MICAL1: variants seen among roughly 807,000 people sequenced by gnomAD.
The protein encoded by MICAL1 is microtubule associated monooxygenase, calponin and LIM domain containing 1, also known as [F-actin]-monooxygenase MICAL1.
Under a neutral mutation model 131.8 loss-of-function variants are expected in MICAL1, and 95 were observed. That is an observed-to-expected ratio of 0.72 (90% CI 0.61 to 0.86). The LOEUF (loss-of-function observed/expected upper bound fraction) is 0.86. MICAL1 is among the 40% of genes least tolerant of loss of function. MICAL1 has a pLI of 0.00. For missense variants in MICAL1, 1,292 were observed against 1,380.6 expected (o/e 0.94, Z 1.02); for synonymous variants, 546 against 554.2 (o/e 0.99, Z 0.21).
intron 6 of MICAL1, 96 bp downstream of exon 6, chr6:109,452,150 G>C: frequency 6.6e-7 from 1 of 1,507,574 alleles, no homozygotes; most frequent in African/African-American, 1.4e-5. Context: ...GAAAAGTGTG[G>C]AGTTCCTTGC....
At position 109,445,578 on chromosome 6, in the gene MICAL1, G is replaced by C. The variant is rs367543311; in HGVS notation, c.2674-49C>G. On this transcript the variant is annotated intron_variant, in intron 20 of 24. Transcript: ENST00000358807. ...GGGATAGGGCCTGGGCCCCCTGGTG[G>C]ATAGGAGTGTTGTTTGGAAAGGCAG... The C allele has an allele frequency of 4.4e-6, 7 of 1,600,050 alleles. No homozygotes were observed. The African/African-American group carries it at 9.4e-5, about 21-fold the overall frequency.
intron 21 of MICAL1, 51 bp downstream of exon 21, chr6:109,445,365 C>T (rs1459409257): frequency 1.3e-5 from 21 of 1,612,076 alleles, no homozygotes; most frequent in Non-Finnish European, 1.8e-5. Flanking sequence ...ACTCTGATCT[C>T]AGTCTCAGAA....
chr6:109,456,681 G>A (rs1162774039), upstream of MICAL1, among the ~76,000 whole-genome samples: 3 of 152,204 alleles, frequency 2.0e-5, no homozygotes, highest in East Asian at 5.8e-4. Flanking sequence ...AAGGAACAGC[G>A]CCTAAAGTGA....
At chr6:109,450,259 TCCCCTAA>T in intron 8 of MICAL1, 34 bp downstream of exon 8, 1 of 1,586,984 alleles carries the variant, frequency 6.3e-7, no homozygotes, top group Non-Finnish European at 8.6e-7. Flanking sequence ...GGCAGCTCCC[TCCCCTAA>T]CCATGAAACC....
rs1775140498 is a variant in MICAL1, at chr6:109,444,935, T to A, written c.2942A>T (p.Lys981Ile). 3 of 1,614,194 alleles carry A rather than the reference T, an allele frequency of 1.9e-6. No homozygotes were observed. Among genetic ancestry groups the A allele is most frequent in the Non-Finnish European group, 2.5e-6 (3 of 1,180,040 alleles). The change falls in exon 23 of 25, where the codon AAA becomes ATA. Residue 981 changes from lysine (K) to isoleucine (I), a missense_variant. Transcript: ENST00000358807. ...VGQLLQLVDK[K>I]NSLVAEEAEL... ...GGCCTCCTCAGCCACCAGGCTGTTT[T>A]TCTTGTCAACGAGCTGTAGCAGCTG...
At chr6:109,460,215 G>A (rs1404550507), upstream of MICAL1, among the ~76,000 whole-genome samples, 1 of 152,050 alleles carries the variant, frequency 6.6e-6, no homozygotes, top group Non-Finnish European at 1.5e-5. Context: ...AGCACTCTGG[G>A]AGGCTGAGGT....
chr6:109,455,784 AGGGCGGGGGCGG>A (rs1045026476), upstream of MICAL1: 3,433 of 123,458 alleles, frequency 0.028, 85 homozygotes, highest in African/African-American at 0.12. The surrounding 1 kb of genome is among the most constrained non-coding windows in gnomAD (Gnocchi z 4.7). Flanking sequence ...AGCGGGTGGG[AGGGCGGGGGCGG>A]GGGCGGGGGC....
At position 109,465,662 on chromosome 6, in the gene MICAL1, A is replaced by G; in HGVS notation, c.14+2T>C. The G allele has an allele frequency of 6.4e-7, 1 of 1,574,362 alleles. No homozygotes were observed. The highest frequency in any genetic ancestry group is 8.6e-7 in the Non-Finnish European group (1 of 1,166,260). On this transcript the variant is annotated splice_donor_variant, in intron 1 of 24. Transcript: ENST00000630715. LOFTEE classifies it high-confidence loss of function. Reference sequence around the variant, plus strand: ...ATTGAAATGCTCAATACAAATCAGTACCTTAGACAAGACATACACACATCT... The same window carrying G: ...ATTGAAATGCTCAATACAAATCAGTGCCTTAGACAAGACATACACACATCT...
Position 109,446,213 on chromosome 6 carries a change from C to CGG in MICAL1, c.2502_2503dup (p.Arg835ProfsTer70). ...GTGGCGGGCCAAGGCGGAGCAGCTGCGGGGAGGCTTGGGTGGAGGCTCCAT... is the reference window on the plus strand; with the variant it reads ...GTGGCGGGCCAAGGCGGAGCAGCTGCGGGGGGAGGCTTGGGTGGAGGCTCCAT... On this transcript the variant is annotated frameshift_variant, in exon 19 of 25. Coordinates refer to ENST00000358807, the MANE Select transcript of MICAL1 (RefSeq NM_022765.4). LOFTEE classifies it high-confidence loss of function. 6.2e-7 allele frequency: 1 copy of CGG among 1,601,438 alleles called. No individual in the cohort carries two copies.
intron 4 of MICAL1, among the ~76,000 whole-genome samples, chr6:109,452,915 G>A (rs777623719): frequency 1.3e-5 from 2 of 152,110 alleles, no homozygotes; most frequent in African/African-American, 2.4e-5. Flanking sequence ...CCAGCACTTT[G>A]GGAGACCGAG....
rs759588181 is a variant in MICAL1 at position 109,446,356 on chromosome 6, G to C, written c.2361C>G (p.Ala787=). ...SMPPGLSTPT[A]SQEGAGPVPD... ...GAACAGGACCGGCCCCCTCCTGCGA[G>C]GCTGTGGGAGTTGAGAGGCCTGGTG... Residue 787 remains alanine, a synonymous_variant, in exon 19 of 25, where the codon GCC becomes GCG. Transcript: ENST00000358807. The C allele has an allele frequency of 6.2e-7, 1 of 1,614,170 alleles. No individual in the cohort carries two copies. The highest frequency in any genetic ancestry group is 8.5e-7 in the Non-Finnish European group (1 of 1,180,044).
chr6:109,452,684 C>T (rs1226355995), intron 4 of MICAL1, 69 bp from the exon 5 acceptor site: 13 of 1,173,458 alleles, frequency 1.1e-5, no homozygotes, highest in Non-Finnish European at 1.6e-5. Context: ...TCAGGACAAA[C>T]CAGTGAAATC....
At chr6:109,453,490 A>C in intron 3 of MICAL1, 123 bp from the exon 4 acceptor site, 4 of 1,498,658 alleles carry the variant, frequency 2.7e-6, no homozygotes, top group Non-Finnish European at 3.6e-6. Flanking sequence ...CCAAAAGCCC[A>C]CTTATAGATG....
At position 109,455,657 on chromosome 6, in the gene MICAL1, GCGCACCCCAC is replaced by G; in HGVS notation, c.-44+52_-44+61del. ...CGACCGCAGCTGCGTTTCCCCGGAA[GCGCACCCCAC>G]CTCACCCCACCCGGCCGCGGGGCTC... On this transcript the variant is annotated intron_variant, in intron 1 of 24. Transcript: ENST00000358807. This position sits in a 1 kb window ranked among gnomAD's most constrained non-coding sequence, Gnocchi z 4.7. 1 of 967,098 alleles carries G rather than the reference GCGCACCCCAC, an allele frequency of 1.0e-6. No homozygotes were observed. The highest frequency in any genetic ancestry group is 1.2e-6 in the Non-Finnish European group (1 of 813,150). 59.9% of individuals were successfully genotyped at this position (967,098 alleles called of 1,614,324 possible).
chr6:109,453,380 G>A lies in MICAL1; in HGVS notation c.467-13C>T, dbSNP rs1427986040. On this transcript the variant is annotated splice_polypyrimidine_tract_variant and intron_variant, in intron 3 of 24. Transcript: ENST00000358807. ...AGCTGCCTGATGCCTGGAAGGGAGA[G>A]GACATTAGGAACAGGGACCCTAGGG... 1 of 1,611,890 alleles carries A rather than the reference G, an allele frequency of 6.2e-7. No individual in the cohort carries two copies. Among genetic ancestry groups the A allele is most frequent in the Non-Finnish European group, 8.5e-7 (1 of 1,178,660 alleles).
chr6:109,456,379 G>C (rs1036603785), upstream of MICAL1, among the ~76,000 whole-genome samples: 2 of 152,256 alleles, frequency 1.3e-5, no homozygotes, highest in African/African-American at 2.4e-5. Flanking sequence ...ATGGATCCAA[G>C]CGCAGAGTGC....
At chr6:109,463,155 T>G (rs993361486) in intron 1 of MICAL1, 1 of 152,104 alleles carries the variant, frequency 6.6e-6, no homozygotes, top group Non-Finnish European at 1.5e-5. Flanking sequence ...CCCAGCTAAT[T>G]TTTGTATTTT....
In MICAL1 at chr6:109,450,029, T is replaced by G. The variant is rs1775468842; in HGVS notation, c.1248A>C (p.Ala416=). 6.2e-7 allele frequency: 1 copy of G among 1,614,014 alleles called. No homozygotes were observed. Among genetic ancestry groups the G allele is most frequent in the South Asian group, 1.1e-5 (1 of 91,092 alleles). Residue 416 remains alanine (A), a synonymous_variant, in exon 9 of 25, where the codon GCA becomes GCC. Coordinates refer to ENST00000358807, the MANE Select transcript of MICAL1 (RefSeq NM_022765.4). ...CTGCCCACCGCTTCACCATCCAGGC[T>G]GCATCAAAGGCTGCCAGGAAGCCCC... ...VARGFLAAFD[A]AWMVKRWAEG... is the part of the protein sequence containing the mutation.
chr6:109,449,724 G>A lies in MICAL1; in HGVS notation c.1367C>T (p.Ala456Val). The A allele has an allele frequency of 6.2e-7, 1 of 1,602,156 alleles. No homozygotes were observed. Among genetic ancestry groups the A allele is most frequent in the South Asian group, 1.1e-5 (1 of 88,722 alleles). ...TSPENMHRNV[A>V]QYGLDPATRY... The stretch of plus-strand genomic sequence containing the variant: ...GGTGGCTGGGTCCAGCCCATACTGG[G>A]CCACATTGCGATGCATGTTTTCTGG... The change falls in exon 10 of 25, where the codon GCC becomes GTC. Residue 456 changes from alanine (A) to valine (V), a missense_variant. Transcript: ENST00000358807.
Sources: gnomAD v4.1 joint callset for allele counts (sites outside exome capture counted in the v4.1 genomes callset) on GRCh38, gnomAD v4.1.1 for gene constraint, Gnocchi (gnomAD v3.1) non-coding constraint, MANE v1.5 for transcripts, NCBI Gene and HGNC (gene_info 2026-07-23, HGNC 2026-07-21) for gene names.